The following TSGA10 variants were observed in gnomAD, a reference collection of about 807,000 sequenced individuals.
TSGA10 encodes testis specific 10, also known as testis-specific gene 10 protein.
In TSGA10, 43 loss-of-function variants were observed where a neutral mutation model predicts 96.6. The observed-to-expected ratio is 0.44, with a 90% CI of 0.35 to 0.57. The LOEUF is 0.57. Among genes scored for constraint, TSGA10 ranks in the 20% least tolerant of loss-of-function variants. TSGA10 has a pLI of 0.01. For synonymous variants in TSGA10, 229 were observed against 269.9 expected, an observed-to-expected ratio of 0.85 and a Z score of 1.48; for missense variants, 703 against 834.4, an observed-to-expected ratio of 0.84 and a Z score of 1.94.
intron 20 of TSGA10, among the ~76,000 whole-genome samples, chr2:99,016,470 T>A (rs1037420523): frequency 6.6e-6 from 1 of 152,144 alleles, no homozygotes; most frequent in African/African-American, 2.4e-5. Flanking sequence ...TGGATCCTCA[T>A]CTCTCACCTT....
intron 16 of TSGA10, among the ~76,000 whole-genome samples, chr2:99,042,039 C>CCT (rs1558816084): frequency 1.2e-3 from 164 of 140,102 alleles, no homozygotes; most frequent in African/African-American, 4.3e-3. Flanking sequence ...TGCCCCCCCA[C>CCT]ATTTTTTTTT....
intron 10 of TSGA10, among the ~76,000 whole-genome samples, chr2:99,096,995 G>T (rs1204874096): frequency 6.6e-6 from 1 of 152,082 alleles, no homozygotes; most frequent in Non-Finnish European, 1.5e-5. Flanking sequence ...CATGCAAAGT[G>T]GGGACTCCCT....
intron 16 of TSGA10, among the ~76,000 whole-genome samples, chr2:99,059,748 A>G (rs1243661245): frequency 6.6e-6 from 1 of 150,428 alleles, no homozygotes; most frequent in Non-Finnish European, 1.5e-5. Context: ...CCCCGTTTCT[A>G]CAAAAAAATG....
chr2:99,113,546 T>C (rs1005506405), intron 4 of TSGA10, among the ~76,000 whole-genome samples: 5 of 152,042 alleles, frequency 3.3e-5, no homozygotes, highest in African/African-American at 1.2e-4. Context: ...GCAATCAGCT[T>C]TTTTGTTGTT....
chr2:99,055,487 A>G (rs1185120281), intron 16 of TSGA10, among the ~76,000 whole-genome samples: 1 of 152,174 alleles, frequency 6.6e-6, no homozygotes, highest in Non-Finnish European at 1.5e-5. Flanking sequence ...ACAAAAAAAA[A>G]AATGGCAAGC....
chr2:99,103,855 T>G (rs986583042), intron 10 of TSGA10, 112 bp downstream of exon 10: 2 of 1,309,328 alleles, frequency 1.5e-6, no homozygotes, highest in African/African-American at 3.0e-5. Context: ...TGCTTTTCAA[T>G]AATCCTCTCA....
chr2:99,022,304 C>T (rs1241332218), intron 17 of TSGA10, among the ~76,000 whole-genome samples: 1 of 131,774 alleles, frequency 7.6e-6, no homozygotes, highest in South Asian at 2.5e-4. Flanking sequence ...CAGCCTCGGC[C>T]ACTGAAGGAG....
chr2:99,049,540 G>A (rs997177454), intron 16 of TSGA10, among the ~76,000 whole-genome samples: 8 of 151,850 alleles, frequency 5.3e-5, no homozygotes, highest in Admixed American at 2.0e-4. Flanking sequence ...TGAGAACACC[G>A]GGACACAGGG....
At chr2:99,022,876 C>T (rs1320848078) in intron 17 of TSGA10, among the ~76,000 whole-genome samples, 1 of 152,084 alleles carries the variant, frequency 6.6e-6, no homozygotes, top group South Asian at 2.1e-4. Context: ...TACAGCCATC[C>T]TAGTGGTTGT....
At chr2:99,141,930 C>T (rs1315870133) in intron 1 of TSGA10, 1 of 152,478 alleles carries the variant, frequency 6.6e-6, no homozygotes, top group Non-Finnish European at 1.5e-5. Flanking sequence ...GCGAGCCGGC[C>T]TGTCCCGGTG....
intron 20 of TSGA10, among the ~76,000 whole-genome samples, chr2:99,013,888 C>A (rs988612607): frequency 6.6e-6 from 1 of 151,930 alleles, no homozygotes; most frequent in Admixed American, 6.6e-5. Flanking sequence ...CGCAGTGCCT[C>A]ATGCCTGTAA....
chr2:99,017,432 C>T (rs1335892283), intron 20 of TSGA10, among the ~76,000 whole-genome samples: 1 of 152,164 alleles, frequency 6.6e-6, no homozygotes, highest in Non-Finnish European at 1.5e-5. Context: ...TATGTTCTCA[C>T]TTTAAGTGAG....
In TSGA10 at chr2:99,035,442, G is replaced by GT; in HGVS notation, c.1405-4dup. The stretch of plus-strand genomic sequence containing the variant: ...TAAGACCTTTCTGCATTTAAGTGCT[G>GT]TAAGAATAAAATTATATATATGTAT... On this transcript the variant is annotated splice_region_variant and splice_polypyrimidine_tract_variant and intron_variant, in intron 16 of 20. Coordinates refer to ENST00000393483, the MANE Select transcript of TSGA10 (RefSeq NM_025244.4). 6.3e-7 allele frequency: 1 copy of GT among 1,595,692 alleles called. No individual in the cohort carries two copies. Among genetic ancestry groups the GT allele is most frequent in the Non-Finnish European group, 8.6e-7 (1 of 1,167,746 alleles).
intron 16 of TSGA10, among the ~76,000 whole-genome samples, chr2:99,060,100 GAGA>G (rs1430091304): frequency 6.6e-6 from 1 of 152,042 alleles, no homozygotes; most frequent in Non-Finnish European, 1.5e-5. Context: ...AAGAGTAAAA[GAGA>G]AGAAGTAAAA....
intron 1 of TSGA10, among the ~76,000 whole-genome samples, chr2:99,127,830 A>G (rs1021351260): frequency 6.6e-6 from 1 of 152,226 alleles, no homozygotes; most frequent in Non-Finnish European, 1.5e-5. Flanking sequence ...ACAATGGTAT[A>G]AAATCTATCA....
intron 20 of TSGA10, among the ~76,000 whole-genome samples, chr2:99,012,688 C>A (rs571579530): frequency 6.6e-6 from 1 of 152,234 alleles, no homozygotes; most frequent in South Asian, 2.1e-4. Context: ...AAAACAATGA[C>A]TATTAGACCC....
intron 1 of TSGA10, chr2:99,147,447 C>T (rs534075645): frequency 6.2e-7 from 1 of 1,613,676 alleles, no homozygotes; most frequent in Admixed American, 1.7e-5. Context: ...AAGAGGCCCC[C>T]AATAGACTTG....
In TSGA10 at chr2:98,998,023, C is replaced by A; in HGVS notation, c.*174G>T. On this transcript the variant is annotated 3_prime_UTR_variant, in exon 21 of 21. Transcript: ENST00000393483. Reference sequence around the variant, plus strand: ...CATATACATTTTTGTTTTTATAAGTCATCTCAGATCACTGCAACATGGCAC... The same window carrying A: ...CATATACATTTTTGTTTTTATAAGTAATCTCAGATCACTGCAACATGGCAC... 1 of 577,878 alleles carries A rather than the reference C, an allele frequency of 1.7e-6. No individual in the cohort carries two copies. Among genetic ancestry groups the A allele is most frequent in the East Asian group, 3.0e-5 (1 of 32,932 alleles). The allele number at this position is 577,878 out of a possible 1,614,324, so 35.8% of individuals were successfully genotyped here.
At chr2:99,029,371 T>C (rs1185444219) in intron 17 of TSGA10, among the ~76,000 whole-genome samples, 2 of 152,132 alleles carry the variant, frequency 1.3e-5, no homozygotes, top group Non-Finnish European at 2.9e-5. Flanking sequence ...GACCAGGGTA[T>C]ATTATATAGT....
Sources: allele counts gnomAD v4.1 joint callset (sites outside exome capture counted in the v4.1 genomes callset), GRCh38; gene constraint gnomAD v4.1.1; transcripts MANE v1.5; gene names NCBI Gene and HGNC (gene_info 2026-07-23, HGNC 2026-07-21).